PTPRD: variants seen among roughly 807,000 people sequenced by gnomAD.
PTPRD encodes the protein receptor-type tyrosine-protein phosphatase delta.
PTPRD carries 34 observed loss-of-function variants against 214.5 expected under a neutral mutation model. The observed-to-expected ratio is 0.16, with a 90% confidence interval of 0.12 to 0.21. The LOEUF is 0.21. PTPRD is among the 10% of genes least tolerant of loss of function. The probability of loss-of-function intolerance (pLI) is 1.00; values close to 1 mark genes in which losing one functional copy is unlikely to be tolerated. For missense variants in PTPRD, 2,545 were observed against 2,398.7 expected (o/e 1.06, Z -1.27); for synonymous variants, 1,128 against 845.7 (o/e 1.33, Z -5.79).
At position 9,010,714 on chromosome 9, in the gene PTPRD, A is replaced by G. The variant is rs2099508231; in HGVS notation, c.-104+7983T>C. Among the ~76,000 whole-genome samples, 3 of 152,076 alleles carry G rather than the reference A, an allele frequency of 2.0e-5. 1 individual carries two copies. Among genetic ancestry groups the G allele is most frequent in the South Asian group, 4.1e-4 (2 of 4,822 alleles). On this transcript the variant is annotated intron_variant, in intron 11 of 45. Transcript: ENST00000381196. ...ACCCAGGATGATCCTTGATCCTTTC[A>G]TCTTGTCCATCCCTCTGTAAATAGT...
intron 11 of PTPRD, among the ~76,000 whole-genome samples, chr9:8,930,217 T>A (rs2098942580): frequency 6.6e-6 from 1 of 151,826 alleles, no homozygotes; most frequent in South Asian, 2.1e-4. Flanking sequence ...GGTGTTTGGT[T>A]TTTTTGTCCT....
chr9:8,953,984 C>T (rs993234396), intron 11 of PTPRD, among the ~76,000 whole-genome samples: 4 of 151,848 alleles, frequency 2.6e-5, no homozygotes, highest in Admixed American at 2.6e-4. Flanking sequence ...CCAGGAATCC[C>T]GTTACTAGTT....
chr9:8,964,873 ATTGATTTCTATTTTTATTTCACTG>A (rs1198282220), intron 11 of PTPRD, among the ~76,000 whole-genome samples: 1 of 152,204 alleles, frequency 6.6e-6, no homozygotes, highest in African/African-American at 2.4e-5. Flanking sequence ...TCTTTTTGGT[ATTGATTTCTATTTTTATTTCACTG>A]TTGTCCAAGA....
At chr9:9,963,215 A>C (rs2094475537) in intron 4 of PTPRD, among the ~76,000 whole-genome samples, 1 of 152,108 alleles carries the variant, frequency 6.6e-6, no homozygotes. Context: ...TGTCAAATTC[A>C]GGCAAATTTA....
chr9:10,196,897 C>T (rs1431673151), intron 3 of PTPRD, among the ~76,000 whole-genome samples: 1 of 152,088 alleles, frequency 6.6e-6, no homozygotes, highest in Non-Finnish European at 1.5e-5. Context: ...AAAGCATTTT[C>T]ACTTGCCCTT....
intron 11 of PTPRD, among the ~76,000 whole-genome samples, chr9:8,757,663 TATAC>T (rs1255547328): frequency 7.0e-6 from 1 of 143,226 alleles, no homozygotes; most frequent in Non-Finnish European, 1.5e-5. Context: ...TACATATATA[TATAC>T]ATACATATAT....
intron 5 of PTPRD, among the ~76,000 whole-genome samples, chr9:9,777,325 GCACACACACACACACACACACA>G (rs34617348): frequency 2.1e-5 from 3 of 143,282 alleles, no homozygotes; most frequent in African/African-American, 7.7e-5. Flanking sequence ...GCACATACAT[GCACACACACACACACACACACA>G]CACACACCCC....
At position 9,509,443 on chromosome 9, in the gene PTPRD, T is replaced by G. The variant is rs80313045; in HGVS notation, c.-237+65289A>C. Among the ~76,000 whole-genome samples, 286 of 151,534 alleles carry G rather than the reference T, an allele frequency of 1.9e-3. 3 individuals carry two copies. The highest frequency in any genetic ancestry group is 6.6e-3 in the African/African-American group (275 of 41,426). On this transcript the variant is annotated intron_variant, in intron 8 of 45. Transcript: ENST00000381196. ...TGTCAAGGAACTGAAACTTACTAGA[T>G]CATCACAACTGGACAATGACACACC...
chr9:10,015,178 T>C (rs2096677716), intron 4 of PTPRD, among the ~76,000 whole-genome samples: 2 of 152,118 alleles, frequency 1.3e-5, no homozygotes, highest in African/African-American at 2.4e-5. Flanking sequence ...GAAATGATTA[T>C]GGGCAACAAT....
chr9:8,676,378 A>AT (rs559455727), intron 12 of PTPRD, among the ~76,000 whole-genome samples: 9,339 of 111,586 alleles, frequency 0.084, 504 homozygotes, highest in Non-Finnish European at 0.12. Context: ...GCTCATTTTC[A>AT]TTTTTTTTTT....
chr9:8,776,885 GAAT>G (rs992931622), intron 11 of PTPRD, among the ~76,000 whole-genome samples: 31 of 142,392 alleles, frequency 2.2e-4, no homozygotes, highest in African/African-American at 7.6e-4. Flanking sequence ...TATAGTATAT[GAAT>G]ATTATATAAT....
chr9:10,416,464 TGAA>T (rs1231384675), intron 2 of PTPRD, among the ~76,000 whole-genome samples: 2 of 151,468 alleles, frequency 1.3e-5, no homozygotes, highest in African/African-American at 2.4e-5. Context: ...TGAAAGAAGT[TGAA>T]GAAGAGAACA....
chr9:9,955,020 A>G (rs550333258), intron 4 of PTPRD, among the ~76,000 whole-genome samples: 185 of 152,326 alleles, frequency 1.2e-3, no homozygotes, highest in African/African-American at 4.3e-3. Flanking sequence ...ACTAAAAAAT[A>G]AAGAGTACAG....
intron 14 of PTPRD, among the ~76,000 whole-genome samples, chr9:8,585,271 A>C (rs2093552713): frequency 6.6e-6 from 1 of 152,212 alleles, no homozygotes; most frequent in Admixed American, 6.5e-5. Context: ...ATGCTTGAAG[A>C]TAGATGGAAA....
At chr9:8,386,924 C>G (rs1280242596) in intron 37 of PTPRD, among the ~76,000 whole-genome samples, 1 of 152,130 alleles carries the variant, frequency 6.6e-6, no homozygotes, top group East Asian at 1.9e-4. Flanking sequence ...CTCTCCAGGA[C>G]ATGTGGTCAT....
At chr9:9,358,207 A>G (rs1302226380) in intron 9 of PTPRD, among the ~76,000 whole-genome samples, 1 of 151,318 alleles carries the variant, frequency 6.6e-6, no homozygotes, top group East Asian at 1.9e-4. Context: ...AACATATTAT[A>G]TAGGCAATTT....
chr9:10,329,109 G>C (rs921214373), intron 3 of PTPRD, among the ~76,000 whole-genome samples: 1 of 151,668 alleles, frequency 6.6e-6, no homozygotes, highest in African/African-American at 2.4e-5. Context: ...TTTTTCTGTT[G>C]AATATGAGAG....
intron 8 of PTPRD, among the ~76,000 whole-genome samples, chr9:9,457,147 G>A (rs1036827289): frequency 5.9e-5 from 9 of 151,966 alleles, no homozygotes; most frequent in East Asian, 1.9e-4. Context: ...GGGAGCAAAG[G>A]AAGACAAAAG....
At position 9,260,991 on chromosome 9, in the gene PTPRD, ATT is replaced by A. The variant is rs201855030; in HGVS notation, c.-202-77630_-202-77629del. ...AATCCTCTTTTTCATTGTACATTTCATTTTTTAACAGCCATTGGTACTGAAAC... is the reference window on the plus strand; with the variant it reads ...AATCCTCTTTTTCATTGTACATTTCATTTTAACAGCCATTGGTACTGAAAC... On this transcript the variant is annotated intron_variant, in intron 9 of 45. Coordinates refer to ENST00000381196, the MANE Select transcript of PTPRD (RefSeq NM_002839.4). 6.8e-3 allele frequency among the ~76,000 whole-genome samples: 1,029 copies of A among 151,926 alleles called. 11 individuals are homozygous for A. The highest frequency in any genetic ancestry group is 0.024 in the African/African-American group (984 of 41,510).
Sources: allele counts gnomAD v4.1 joint callset (sites outside exome capture counted in the v4.1 genomes callset), GRCh38; gene constraint gnomAD v4.1.1; transcripts MANE v1.5; gene names NCBI Gene and HGNC (gene_info 2026-07-23, HGNC 2026-07-21).